ADAM22: variants seen among roughly 807,000 people sequenced by gnomAD.
ADAM22 encodes disintegrin and metalloproteinase domain-containing protein 22.
Under a neutral mutation model 144.6 loss-of-function variants are expected in ADAM22, and 65 were observed. The ratio of observed to expected loss-of-function variants is 0.45; its 90% CI spans 0.37 to 0.55. The LOEUF (loss-of-function observed/expected upper bound fraction) is 0.55, where lower values mean the gene tolerates loss of function less well. Ranked by LOEUF, ADAM22 falls within the 20% of genes least tolerant of loss-of-function variation. The probability of loss-of-function intolerance (pLI) is 0.00; values close to 1 mark genes in which losing one functional copy is unlikely to be tolerated. For synonymous variants in ADAM22, 391 were observed against 412.6 expected (o/e 0.95, Z 0.63); for missense variants, 974 against 1,184.9 (o/e 0.82, Z 2.61).
chr7:88,003,625 A>G (rs1402818043), intron 3 of ADAM22, among the ~76,000 whole-genome samples: 1 of 152,256 alleles, frequency 6.6e-6, no homozygotes, highest in South Asian at 2.1e-4. Flanking sequence ...CAAAGAGAAG[A>G]CAGATTTCAA....
At chr7:88,174,846 T>C (rs538918866) in intron 26 of ADAM22, among the ~76,000 whole-genome samples, 2 of 152,170 alleles carry the variant, frequency 1.3e-5, no homozygotes, top group Non-Finnish European at 2.9e-5. Flanking sequence ...ATTTTCTACT[T>C]GTGAACTTCT....
intron 3 of ADAM22, among the ~76,000 whole-genome samples, chr7:88,047,910 TAAGAA>T (rs1328796318): frequency 1.3e-5 from 2 of 151,960 alleles, no homozygotes; most frequent in Admixed American, 6.6e-5. Context: ...TACATATATA[TAAGAA>T]AAGTGAAATA....
At chr7:88,007,630 G>C (rs1181128484) in intron 3 of ADAM22, among the ~76,000 whole-genome samples, 4 of 152,040 alleles carry the variant, frequency 2.6e-5, no homozygotes, top group African/African-American at 4.8e-5. Flanking sequence ...ACAAACCTGA[G>C]AAAAACCAGC....
chr7:88,095,592 C>G (rs968312440), intron 4 of ADAM22, among the ~76,000 whole-genome samples: 1 of 152,084 alleles, frequency 6.6e-6, no homozygotes, highest in African/African-American at 2.4e-5. Flanking sequence ...CACATTCATG[C>G]GTTTTCTTTC....
chr7:88,175,277 T>C (rs1845354050), intron 26 of ADAM22, among the ~76,000 whole-genome samples: 1 of 152,156 alleles, frequency 6.6e-6, no homozygotes, highest in South Asian at 2.1e-4. Context: ...AAGAGTTGTC[T>C]TCTGAAGTGG....
intron 3 of ADAM22, among the ~76,000 whole-genome samples, chr7:88,068,311 G>T (rs190586773): frequency 6.6e-6 from 1 of 152,216 alleles, no homozygotes; most frequent in Non-Finnish European, 1.5e-5. Context: ...ATGAAATAAT[G>T]AAATTTGGAT....
chr7:88,131,013 TCA>T (rs1485332555), intron 10 of ADAM22, among the ~76,000 whole-genome samples: 1 of 152,146 alleles, frequency 6.6e-6, no homozygotes, highest in Non-Finnish European at 1.5e-5. Context: ...GAAAACAGAT[TCA>T]GGTGGAACCT....
Position 87,950,115 on chromosome 7 carries a change from T to A in ADAM22, c.246+14929T>A, listed in dbSNP as rs181233068. Among the ~76,000 whole-genome samples the A allele has an allele frequency of 5.0e-4, 76 of 152,124 alleles. 1 individual carries two copies. The highest frequency in any genetic ancestry group is 1.6e-3 in the African/African-American group (68 of 41,538). Reference sequence around the variant, plus strand: ...TATATCTCAGTGTAAAAGGAGGCTGTGAAAGTAGCTTTGTAATGTTTCTTT... The same window carrying A: ...TATATCTCAGTGTAAAAGGAGGCTGAGAAAGTAGCTTTGTAATGTTTCTTT... On this transcript the variant is annotated intron_variant, in intron 2 of 31. Transcript: ENST00000413139.
Position 88,155,983 on chromosome 7 carries a change from G to T in ADAM22, c.1884G>T (p.Gln628His), listed in dbSNP as rs764572428. 2.5e-6 allele frequency: 4 copies of T among 1,613,100 alleles called. No individual in the cohort carries two copies. Among genetic ancestry groups the T allele is most frequent in the Non-Finnish European group, 3.4e-6 (4 of 1,179,496 alleles). Residue 628 changes from glutamine (Q) to histidine (H), a missense_variant, in exon 22 of 32, where the codon CAG becomes CAT. Gln to His is a conservative substitution (Grantham distance 24). Transcript: ENST00000413139. ...DGEITSTLVVQQGRTLNCSGG... is the reference protein window; with the variant it reads ...DGEITSTLVVHQGRTLNCSGG... ...AAATCACATCTACTTTAGTTGTGCAGCAAGGAAGAACATTAAACTGCAGGT... is the reference window on the plus strand; with the variant it reads ...AAATCACATCTACTTTAGTTGTGCATCAAGGAAGAACATTAAACTGCAGGT...
chr7:88,035,559 A>AGTATTT (rs1455062583), intron 3 of ADAM22, among the ~76,000 whole-genome samples: 2 of 152,234 alleles, frequency 1.3e-5, no homozygotes, highest in Non-Finnish European at 2.9e-5. Flanking sequence ...GTGGATCAAA[A>AGTATTT]GTATTTTTTT....
At chr7:88,061,839 C>CTTTT (rs60313970) in intron 3 of ADAM22, among the ~76,000 whole-genome samples, 15 of 112,030 alleles carry the variant, frequency 1.3e-4, no homozygotes, top group East Asian at 2.9e-4. Flanking sequence ...CTCTCTCTCT[C>CTTTT]TTTTTTTTTT....
At chr7:87,982,897 G>A (rs545746900) in intron 3 of ADAM22, among the ~76,000 whole-genome samples, 2 of 150,678 alleles carry the variant, frequency 1.3e-5, no homozygotes, top group African/African-American at 2.4e-5. Context: ...CTCCATGTTG[G>A]TCAGGCTGGT....
At chr7:88,100,827 T>G (rs774063412) in intron 4 of ADAM22, among the ~76,000 whole-genome samples, 21 of 151,972 alleles carry the variant, frequency 1.4e-4, no homozygotes, top group Non-Finnish European at 1.6e-4. Context: ...CCAAGGAGAC[T>G]TACAACTGGG....
At chr7:88,186,429 T>C (rs1188868075) in intron 29 of ADAM22, 186 bp from the exon 30 acceptor site, 3 of 607,676 alleles carry the variant, frequency 4.9e-6, no homozygotes, top group African/African-American at 3.7e-5. Flanking sequence ...TTGAGCCTTG[T>C]TGTAGCTGAG....
chr7:88,045,430 G>GA (rs1043133988), intron 3 of ADAM22, among the ~76,000 whole-genome samples: 2 of 151,488 alleles, frequency 1.3e-5, no homozygotes, highest in African/African-American at 4.9e-5. Flanking sequence ...AGATATGATT[G>GA]AAAAAAATTG....
At chr7:88,183,609 C>A (rs1380232487) in intron 29 of ADAM22, among the ~76,000 whole-genome samples, 1 of 151,860 alleles carries the variant, frequency 6.6e-6, no homozygotes, top group Non-Finnish European at 1.5e-5. Flanking sequence ...TTTGAGAAAT[C>A]TTGCCTATGA....
In ADAM22 at chr7:88,196,498, C is replaced by T. The variant is rs752393471; in HGVS notation, c.*7C>T. 4.3e-6 allele frequency: 7 copies of T among 1,614,044 alleles called. No homozygotes were observed. The highest frequency in any genetic ancestry group is 1.1e-5 in the South Asian group (1 of 91,082). On this transcript the variant is annotated 3_prime_UTR_variant, in exon 32 of 32. Coordinates refer to ENST00000413139, the MANE Select transcript of ADAM22 (RefSeq NM_001324418.2). The stretch of plus-strand genomic sequence containing the variant: ...ATGGGAGACATCCATTTAAGATCAA[C>T]TGTTTACATGTGATACATCGAAAAC...
rs1850971778 is a variant in ADAM22 at position 88,199,224 on chromosome 7, AATATTT to A, written c.*2740_*2745del. The A allele has an allele frequency of 6.6e-6, 1 of 152,234 alleles. No homozygotes were observed. Among genetic ancestry groups the A allele is most frequent in the Middle Eastern group, 3.2e-3 (1 of 316 alleles). 9.4% of individuals were successfully genotyped at this position (152,234 alleles called of 1,614,324 possible). On this transcript the variant is annotated 3_prime_UTR_variant, in exon 32 of 32. Transcript: ENST00000413139. ...GTATCACAGTTTATATCATGCAACT[AATATTT>A]ATATTTCCCAATCCACTACAAAATC...
chr7:88,157,922 A>G (rs1296832461), intron 22 of ADAM22, among the ~76,000 whole-genome samples: 1 of 152,156 alleles, frequency 6.6e-6, no homozygotes, highest in Non-Finnish European at 1.5e-5. Context: ...TTGAATGTAA[A>G]TGGCCTAAAT....
Sources: gnomAD v4.1 joint callset for allele counts (sites outside exome capture counted in the v4.1 genomes callset) on GRCh38, gnomAD v4.1.1 for gene constraint, MANE v1.5 for transcripts, NCBI Gene and HGNC (gene_info 2026-07-23, HGNC 2026-07-21) for gene names.